Variants in SVIL observed in about 807,000 individuals in gnomAD.
SVIL encodes the protein archvillin.
In SVIL, 101 loss-of-function variants were observed where a neutral mutation model predicts 240.4. The ratio of observed to expected loss-of-function variants is 0.42; its 90% CI spans 0.36 to 0.50. The LOEUF (loss-of-function observed/expected upper bound fraction) is 0.50. Among genes scored for constraint, SVIL ranks in the 20% least tolerant of loss-of-function variants. SVIL has a pLI of 0.01. For missense variants in SVIL, 2,512 were observed against 2,818.7 expected (o/e 0.89, Z 2.46); for synonymous variants, 999 against 1,100.0 (o/e 0.91, Z 1.82).
At chr10:29,689,321 A>G (rs990933689) in intron 1 of SVIL, among the ~76,000 whole-genome samples, 1 of 151,742 alleles carries the variant, frequency 6.6e-6, no homozygotes, top group Non-Finnish European at 1.5e-5. Context: ...GTCTCGCACT[A>G]TCACCCAGGC....
intron 21 of SVIL, among the ~76,000 whole-genome samples, 175 bp from the exon 22 acceptor site, chr10:29,491,194 G>A (rs780849535): frequency 1.3e-5 from 2 of 152,126 alleles, no homozygotes; most frequent in Admixed American, 6.5e-5. Context: ...GAAGAGGGAT[G>A]CAAGCCCACT....
chr10:29,685,090 G>T (rs563006279), intron 2 of SVIL, among the ~76,000 whole-genome samples: 1 of 152,244 alleles, frequency 6.6e-6, no homozygotes, highest in African/African-American at 2.4e-5. Flanking sequence ...CTCTCAAGTA[G>T]GCCCCAGTAT....
At chr10:29,699,007 T>G (rs1376077878) in intron 1 of SVIL, among the ~76,000 whole-genome samples, 2 of 152,244 alleles carry the variant, frequency 1.3e-5, no homozygotes, top group Non-Finnish European at 2.9e-5. Flanking sequence ...TATTTCAGTG[T>G]GCTCAGAGAC....
At position 29,458,232 on chromosome 10, in the gene SVIL, C is replaced by G; in HGVS notation, c.*15G>C. ...TGTTGGACGTGACCGTGAGGCTCCT[C>G]TGGCGTCTCCCCACTCAGAACAGGC... On this transcript the variant is annotated 3_prime_UTR_variant, in exon 38 of 38. Coordinates refer to ENST00000355867, the MANE Select transcript of SVIL (RefSeq NM_021738.3). 2 of 1,613,408 alleles carry G rather than the reference C, an allele frequency of 1.2e-6. No individual in the cohort carries two copies. Among genetic ancestry groups the G allele is most frequent in the Non-Finnish European group, 1.7e-6 (2 of 1,179,648 alleles).
chr10:29,488,495 G>A (rs1250594451), intron 23 of SVIL, 106 bp downstream of exon 23: 1 of 1,295,970 alleles, frequency 7.7e-7, no homozygotes, highest in East Asian at 2.9e-5. Context: ...CAAAAAGTGT[G>A]CGTTCCTTTC....
rs756689008 is a variant in SVIL at position 29,550,740 on chromosome 10, C to T, written c.684G>A (p.Ser228=). The T allele has an allele frequency of 5.6e-6, 9 of 1,613,964 alleles. No individual in the cohort carries two copies. Among genetic ancestry groups the T allele is most frequent in the East Asian group, 2.2e-5 (1 of 44,860 alleles). The part of the protein sequence containing the change: ...HDLSPAAESS[S]TFSFSGRDSS... ...AGTCTCGCCCAGAGAAAGAGAAGGT[C>T]GAGGAACTCTCGGCTGCTGGGGACA... is the stretch of plus-strand genomic sequence containing the variant. The change falls in exon 6 of 38, where the codon TCG becomes TCA. Residue 228 remains serine, a synonymous_variant. Transcript: ENST00000355867.
intron 29 of SVIL, 53 bp downstream of exon 29, chr10:29,480,484 G>A: frequency 6.3e-7 from 1 of 1,594,274 alleles, no homozygotes; most frequent in Non-Finnish European, 8.6e-7. Context: ...GGCTCCCGCA[G>A]GGCTGCCGGG....
intron 13 of SVIL, among the ~76,000 whole-genome samples, chr10:29,526,562 C>G (rs909311688): frequency 2.0e-5 from 3 of 152,166 alleles, no homozygotes; most frequent in African/African-American, 2.4e-5. Context: ...CTTGGCCTCT[C>G]AAAGTGCTGG....
chr10:29,524,085 C>T, intron 14 of SVIL, 58 bp from the exon 15 acceptor site: 1 of 1,479,202 alleles, frequency 6.8e-7, no homozygotes, highest in Non-Finnish European at 9.1e-7. Context: ...CTATATAAAT[C>T]CTGGTTTATG....
chr10:29,586,708 C>T (rs1363618969), intron 1 of SVIL, among the ~76,000 whole-genome samples: 5 of 152,090 alleles, frequency 3.3e-5, no homozygotes, highest in Non-Finnish European at 4.4e-5. Flanking sequence ...TACTACGCAG[C>T]CATAAAAAAG....
intron 14 of SVIL, 148 bp from the exon 15 acceptor site, chr10:29,524,175 TATA>T: frequency 1.0e-6 from 1 of 966,690 alleles, no homozygotes; most frequent in Non-Finnish European, 1.5e-6. Context: ...GACATAGTTA[TATA>T]ATACGTCTCA....
intron 16 of SVIL, 128 bp from the exon 17 acceptor site, chr10:29,512,989 G>C: frequency 7.5e-7 from 1 of 1,331,236 alleles, no homozygotes; most frequent in Non-Finnish European, 1.0e-6. Flanking sequence ...TTAACATTTT[G>C]AATTTCATTT....
intron 12 of SVIL, among the ~76,000 whole-genome samples, chr10:29,529,087 A>T (rs554096222): frequency 5.3e-4 from 79 of 149,864 alleles, no homozygotes; most frequent in African/African-American, 1.6e-3. Context: ...GAGGCAGGAG[A>T]ATCGCTTGAA....
rs1951412805 is a variant in SVIL, at chr10:29,532,110, C to T, written c.1901G>A (p.Arg634Lys). 2.5e-6 allele frequency: 4 copies of T among 1,613,924 alleles called. No homozygotes were observed. Among genetic ancestry groups the T allele is most frequent in the Non-Finnish European group, 2.5e-6 (3 of 1,179,900 alleles). Residue 634 changes from arginine (R) to lysine (K), a missense_variant, in exon 9 of 38, where the codon AGA (arginine) becomes AAA (lysine). Coordinates refer to ENST00000355867, the MANE Select transcript of SVIL (RefSeq NM_021738.3). The stretch of plus-strand genomic sequence containing the variant: ...ATAGCGTCTTGGTTTCCGGGACCCT[C>T]TCTCCCGTTCCACACCGGTGGGCAA... ...PGLPTGVERERGSRKPRRYFS... is the reference protein window; with the variant it reads ...PGLPTGVEREKGSRKPRRYFS...
intron 36 of SVIL, among the ~76,000 whole-genome samples, chr10:29,460,795 A>T (rs909946860): frequency 2.6e-4 from 39 of 152,130 alleles, no homozygotes; most frequent in Non-Finnish European, 1.3e-4. Context: ...AGTCCCAGCT[A>T]CCTGGGAGGC....
intron 1 of SVIL, among the ~76,000 whole-genome samples, chr10:29,731,127 C>T (rs1964595701): frequency 6.6e-6 from 1 of 152,204 alleles, no homozygotes; most frequent in Non-Finnish European, 1.5e-5. Context: ...ATGATTACAA[C>T]ACTGTTCTGA....
intron 3 of SVIL, among the ~76,000 whole-genome samples, chr10:29,562,558 G>A (rs1257090949): frequency 1.3e-5 from 2 of 152,124 alleles, no homozygotes; most frequent in Non-Finnish European, 1.5e-5. Context: ...ATCGGGAGTC[G>A]AAACCAGCCT....
Position 29,474,009 on chromosome 10 carries a change from G to T in SVIL, c.5378-20C>A. 1 of 1,610,436 alleles carries T rather than the reference G, an allele frequency of 6.2e-7. No individual in the cohort carries two copies. ...TTCCCACTGCAAACACAGAATGGCAGAGGGACAGGTCAGCAGCTGAGACAC... is the reference window on the plus strand; with the variant it reads ...TTCCCACTGCAAACACAGAATGGCATAGGGACAGGTCAGCAGCTGAGACAC... On this transcript the variant is annotated intron_variant, in intron 29 of 37. Transcript: ENST00000355867.
intron 1 of SVIL, among the ~76,000 whole-genome samples, chr10:29,710,113 G>C (rs557088430): frequency 6.6e-6 from 1 of 151,498 alleles, no homozygotes; most frequent in Admixed American, 6.6e-5. Context: ...CTAGGCTGGA[G>C]TGTGATCATG....
Sources: gnomAD v4.1 joint callset for allele counts (sites outside exome capture counted in the v4.1 genomes callset) on GRCh38, gnomAD v4.1.1 for gene constraint, MANE v1.5 for transcripts, NCBI Gene and HGNC (gene_info 2026-07-23, HGNC 2026-07-21) for gene names.